The following BSPH1 variants were observed in gnomAD, a reference collection of about 807,000 sequenced individuals.
BSPH1 encodes the protein binder of sperm 1.
BSPH1 carries 21 observed loss-of-function variants against 22.5 expected under a neutral mutation model. The ratio of observed to expected loss-of-function variants is 0.93; its 90% CI spans 0.66 to 1.35. The LOEUF (loss-of-function observed/expected upper bound fraction) is 1.35, where lower values mean the gene tolerates loss of function less well. BSPH1 is among the 40% of genes most tolerant of loss of function. BSPH1 has a pLI of 0.00. For synonymous variants in BSPH1, 42 were observed against 53.6 expected (o/e 0.78, Z 0.95); for missense variants, 141 against 154.2 (o/e 0.91, Z 0.45).
chr19:47,968,029 T>C (rs1387738391), downstream of BSPH1: 1 of 152,224 alleles, frequency 6.6e-6, no homozygotes, highest in Non-Finnish European at 1.5e-5. Flanking sequence ...TGCAAAGATT[T>C]CCCTTTTGCT....
chr19:47,984,258 A>T (rs1322874715), intron 1 of BSPH1, among the ~76,000 whole-genome samples: 1 of 149,096 alleles, frequency 6.7e-6, no homozygotes, highest in African/African-American at 2.4e-5. Context: ...CAAAGGATTA[A>T]GAAGGGCCCC....
intron 5 of BSPH1, 107 bp downstream of exon 5, chr19:47,976,603 A>AAAAAAAACC: frequency 1.2e-6 from 1 of 812,636 alleles, no homozygotes; most frequent in Non-Finnish European, 1.8e-6. Flanking sequence ...AAAACAAAAA[A>AAAAAAAACC]AAACCCTCTC....
intron 1 of BSPH1, among the ~76,000 whole-genome samples, chr19:47,991,217 C>T (rs930786067): frequency 1.3e-5 from 2 of 152,098 alleles, no homozygotes; most frequent in African/African-American, 4.8e-5. Context: ...CCACCGACCA[C>T]ACCGCGAATC....
intron 5 of BSPH1, among the ~76,000 whole-genome samples, chr19:47,973,455 T>C (rs536097076): frequency 6.6e-6 from 1 of 152,184 alleles, no homozygotes; most frequent in African/African-American, 2.4e-5. Flanking sequence ...TCCACCTCCA[T>C]GGGGATCCAT....
chr19:47,971,217 T>A (rs552626571), intron 5 of BSPH1, among the ~76,000 whole-genome samples: 4 of 152,288 alleles, frequency 2.6e-5, no homozygotes, highest in East Asian at 3.9e-4. Context: ...TAATTAATTA[T>A]TTTTGAGATG....
intron 1 of BSPH1, among the ~76,000 whole-genome samples, chr19:47,988,947 T>C (rs1422825505): frequency 1.3e-5 from 2 of 151,922 alleles, no homozygotes; most frequent in Non-Finnish European, 2.9e-5. Context: ...GTATAGCTGA[T>C]TTAGCATGTG....
intron 1 of BSPH1, 89 bp downstream of exon 1, chr19:47,991,920 C>T: frequency 1.3e-6 from 1 of 796,700 alleles, no homozygotes; most frequent in Non-Finnish European, 2.1e-6. Flanking sequence ...CATCTTTCAT[C>T]CCCACCTTCT....
chr19:47,991,502 TCC>T, intron 1 of BSPH1, among the ~76,000 whole-genome samples: 1 of 130,718 alleles, frequency 7.7e-6, no homozygotes, highest in Admixed American at 7.9e-5. Flanking sequence ...CTTCTCCTCC[TCC>T]TCCCCCTCCT....
intron 1 of BSPH1, among the ~76,000 whole-genome samples, chr19:47,989,736 C>CTGTGGGGACCCAGCTGTTATTGTCTGTAT (rs1969505503): frequency 2.0e-5 from 3 of 152,130 alleles, no homozygotes; most frequent in Non-Finnish European, 4.4e-5. Flanking sequence ...AGCCGGATTG[C>CTGTGGGGACCCAGCTGTTATTGTCTGTAT]TGTGGGGACC....
intron 1 of BSPH1, among the ~76,000 whole-genome samples, chr19:47,991,560 A>C (rs1190371798): frequency 7.9e-4 from 51 of 64,224 alleles, no homozygotes; most frequent in East Asian, 1.1e-3. Flanking sequence ...CCTCCCGGTC[A>C]TCCTCCTCCT....
chr19:47,971,710 A>T (rs555055295), intron 5 of BSPH1, among the ~76,000 whole-genome samples: 369 of 152,298 alleles, frequency 2.4e-3, no homozygotes, highest in Non-Finnish European at 4.5e-3. Context: ...ATCTTCACAT[A>T]GCTGGCCTAC....
At chr19:47,983,977 C>T (rs1393405002) in intron 1 of BSPH1, among the ~76,000 whole-genome samples, 1 of 151,394 alleles carries the variant, frequency 6.6e-6, no homozygotes, top group Admixed American at 6.6e-5. Context: ...GCTGGGACTA[C>T]AGGTGTGCAC....
chr19:47,990,042 C>T (rs1969508136), intron 1 of BSPH1, among the ~76,000 whole-genome samples: 1 of 145,762 alleles, frequency 6.9e-6, no homozygotes, highest in Non-Finnish European at 1.5e-5. Flanking sequence ...TTGCTCGAAT[C>T]TGGGAGGCTG....
At chr19:47,986,759 TAAAATA>T (rs991788029) in intron 1 of BSPH1, among the ~76,000 whole-genome samples, 3 of 149,748 alleles carry the variant, frequency 2.0e-5, no homozygotes, top group African/African-American at 7.4e-5. Flanking sequence ...TAAAATAAAA[TAAAATA>T]AAAATAAAAA....
rs552626585 is a variant in BSPH1 at position 47,977,450 on chromosome 19, A to G, written c.179T>C (p.Ile60Thr). 1.3e-5 allele frequency: 20 copies of G among 1,551,944 alleles called. No homozygotes were observed. In the East Asian group the frequency reaches 4.2e-4, roughly 32 times the overall value. Residue 60 changes from isoleucine (I) to threonine (T), a missense_variant, in exon 4 of 6, where the codon ATC becomes ACC. Ile to Thr is a moderately conservative substitution (Grantham distance 89). Coordinates refer to ENST00000344839, the MANE Select transcript of BSPH1 (RefSeq NM_001128326.2). ...CCACTTGTGTCTTGCCTTGGACTTG[A>G]TGCAGTCATAATATGTTCCATTTTT... Reference protein sequence around the residue: ...HYKNGTYYDCIKSKARHKWCS... With the variant: ...HYKNGTYYDCTKSKARHKWCS...
intron 1 of BSPH1, among the ~76,000 whole-genome samples, chr19:47,983,860 G>A (rs570251303): frequency 3.4e-5 from 5 of 146,708 alleles, no homozygotes; most frequent in African/African-American, 7.6e-5. Context: ...TTTTTGACAC[G>A]GAGTCTCACT....
intron 5 of BSPH1, among the ~76,000 whole-genome samples, chr19:47,969,979 T>TGA (rs71181619): frequency 6.7e-6 from 1 of 149,696 alleles, no homozygotes; most frequent in African/African-American, 2.5e-5. Flanking sequence ...TTTATGTTTG[T>TGA]GAGAGAGAGA....
chr19:47,983,177 T>C (rs967312164), intron 1 of BSPH1, among the ~76,000 whole-genome samples: 12 of 152,220 alleles, frequency 7.9e-5, no homozygotes, highest in African/African-American at 2.9e-4. Context: ...ATGCCTACTA[T>C]GTGCCCAGCC....
At chr19:47,986,955 T>G (rs1353985201) in intron 1 of BSPH1, among the ~76,000 whole-genome samples, 1 of 152,168 alleles carries the variant, frequency 6.6e-6, no homozygotes, top group Non-Finnish European at 1.5e-5. Context: ...TGTGGCATTC[T>G]GTGACTTGTG....
Sources: gnomAD v4.1 joint callset for allele counts (sites outside exome capture counted in the v4.1 genomes callset) on GRCh38, gnomAD v4.1.1 for gene constraint, MANE v1.5 for transcripts, NCBI Gene and HGNC (gene_info 2026-07-23, HGNC 2026-07-21) for gene names.